The following FDX2 variants were observed in gnomAD, a reference collection of about 807,000 sequenced individuals.
FDX2 encodes the protein ferredoxin 2.
Under a neutral mutation model 18.5 loss-of-function variants are expected in FDX2, and 13 were observed. The observed-to-expected ratio is 0.70, with a 90% CI of 0.46 to 1.12. FDX2 has a LOEUF of 1.12. Ranked by LOEUF, FDX2 falls within the 50% of genes most tolerant of loss-of-function variation. The pLI, the probability that FDX2 is intolerant of heterozygous loss-of-function variation, is 0.00. For missense variants in FDX2, 238 were observed against 250.4 expected, an observed-to-expected ratio of 0.95 and a Z score of 0.34; for synonymous variants, 132 against 106.2, an observed-to-expected ratio of 1.24 and a Z score of -1.49.
At chr19:10,314,953 T>G (rs2040362526) in intron 3 of FDX2, among the ~76,000 whole-genome samples, 1 of 152,018 alleles carries the variant, frequency 6.6e-6, no homozygotes, top group South Asian at 2.1e-4. Context: ...ATACAAAAAT[T>G]AGCTGGGCTT....
At chr19:10,315,317 GGGTTTTTTTT>G (rs2040368214) in intron 3 of FDX2, 59 bp downstream of exon 3, 3 of 212,880 alleles carry the variant, frequency 1.4e-5, no homozygotes, top group East Asian at 6.9e-5. Context: ...CCTAATTTGT[GGGTTTTTTTT>G]TTTTTTTTTT....
chr19:10,315,317 GGGTTTTTTTTT>G, intron 3 of FDX2, 58 bp downstream of exon 3: 1 of 212,902 alleles, frequency 4.7e-6, no homozygotes, highest in Non-Finnish European at 7.6e-6. Context: ...CCTAATTTGT[GGGTTTTTTTTT>G]TTTTTTTTTT....
chr19:10,315,324 T>TTTG (rs1276483791), intron 3 of FDX2, 62 bp downstream of exon 3: 5 of 979,162 alleles, frequency 5.1e-6, no homozygotes, highest in Non-Finnish European at 1.4e-6. Flanking sequence ...TGTGGGTTTT[T>TTTG]TTTTTTTTTT....
intron 3 of FDX2, among the ~76,000 whole-genome samples, chr19:10,314,513 A>G (rs147794800): frequency 1.4e-4 from 22 of 151,954 alleles, no homozygotes; most frequent in Non-Finnish European, 2.4e-4. Flanking sequence ...GGCTGCAGTG[A>G]GGTATGATTG....
chr19:10,311,901 G>T (rs1273822716), intron 3 of FDX2, among the ~76,000 whole-genome samples: 1 of 119,688 alleles, frequency 8.4e-6, no homozygotes, highest in African/African-American at 3.3e-5. Flanking sequence ...GTGGAGTTTC[G>T]CTCTCTTTGC....
At chr19:10,315,801 C>A (rs764815443) in intron 1 of FDX2, 42 bp from the exon 2 acceptor site, 1 of 1,600,772 alleles carries the variant, frequency 6.2e-7, no homozygotes, top group East Asian at 2.2e-5. Context: ...CGAGCCCCGC[C>A]CCGCCGGCAT....
intron 3 of FDX2, among the ~76,000 whole-genome samples, chr19:10,313,231 C>T (rs2040341556): frequency 6.6e-6 from 1 of 152,120 alleles, no homozygotes; most frequent in South Asian, 2.1e-4. Context: ...TTAGGTAGGC[C>T]TTTCATAACC....
rs1180989479 is a variant in FDX2, at chr19:10,310,733, C to T, written c.405-91G>A. ...TGGGGGAGGGAGGAAGCTGACTGAG[C>T]GCAGGGGGTAGTGGTGGGGGAGGCA... is the stretch of plus-strand genomic sequence containing the variant. On this transcript the variant is annotated intron_variant, in intron 4 of 4. Transcript: ENST00000393708. 3.8e-6 allele frequency: 5 copies of T among 1,301,400 alleles called. No homozygotes were observed. In the African/African-American group the frequency reaches 5.3e-5, roughly 14 times the overall value. The allele number at this position is 1,301,400 out of a possible 1,614,324, so 80.6% of individuals were successfully genotyped here.
chr19:10,315,033 G>C (rs2040363389), intron 3 of FDX2, among the ~76,000 whole-genome samples: 1 of 152,120 alleles, frequency 6.6e-6, no homozygotes, highest in African/African-American at 2.4e-5. Context: ...CCCGGGAGGT[G>C]GAGGTTGCAG....
rs150307116 is a variant in FDX2 at position 10,311,209 on chromosome 19, G to C, written c.317-269C>G. On this transcript the variant is annotated intron_variant, in intron 3 of 4. Transcript: ENST00000393708. ...GCAGGCTGAGATGCAGAACCATTAA[G>C]GAGCAGGGACTTGGCTGCCAGGTAG... Among the ~76,000 whole-genome samples, 523 of 152,220 alleles carry C rather than the reference G, an allele frequency of 3.4e-3. 4 individuals carry two copies. Among genetic ancestry groups the C allele is most frequent in the African/African-American group, 0.012 (500 of 41,538 alleles).
chr19:10,312,918 A>G (rs1401551450), intron 3 of FDX2, among the ~76,000 whole-genome samples: 1 of 152,128 alleles, frequency 6.6e-6, no homozygotes, highest in Admixed American at 6.5e-5. Flanking sequence ...AGGCAGATCA[A>G]CTGTGGTCAG....
intron 3 of FDX2, 59 bp downstream of exon 3, chr19:10,315,318 GGTTTTTTTT>G: frequency 4.7e-6 from 2 of 428,302 alleles, no homozygotes; most frequent in Middle Eastern, 5.8e-4. Context: ...CTAATTTGTG[GGTTTTTTTT>G]TTTTTTTTTT....
rs1230361334 is a variant in FDX2 at position 10,315,710 on chromosome 19, C to A, written c.204G>T (p.Gly68=). 2.6e-6 allele frequency: 4 copies of A among 1,551,014 alleles called. No individual in the cohort carries two copies. The highest frequency in any genetic ancestry group is 2.6e-6 in the Non-Finnish European group (3 of 1,148,178). Reference sequence around the variant, plus strand: ...ACTTGGCCCCCTGCACTCACACGTCCCCGGGCCGCTCCGGGCCGCCCGCGT... The same window carrying A: ...ACTTGGCCCCCTGCACTCACACGTCACCGGGCCGCTCCGGGCCGCCCGCGT... Residue 68 remains glycine (G), a synonymous_variant, in exon 2 of 5, where the codon GGG becomes GGT. Transcript: ENST00000393708.
rs1187034042 is a variant in FDX2, at chr19:10,315,844, C to A, written c.154+8G>T. On this transcript the variant is annotated splice_region_variant and intron_variant, in intron 1 of 4. Transcript: ENST00000393708. ...ATTAACGCTGCCCGCCCCGGGCGCC[C>A]CAGGTACCTGTCGCTTGAAACTTTC... 4 of 1,597,158 alleles carry A rather than the reference C, an allele frequency of 2.5e-6. No homozygotes were observed. The South Asian group carries it at 4.5e-5, about 18-fold the overall frequency.
rs1312873575 is a variant in FDX2 at position 10,315,708 on chromosome 19, TC to T, written c.205del (p.Asp69ThrfsTer3). The T allele has an allele frequency of 6.8e-5, 105 of 1,549,622 alleles. No homozygotes were observed. Among genetic ancestry groups the T allele is most frequent in the Non-Finnish European group, 8.4e-5 (96 of 1,147,616 alleles). Reference sequence around the variant, plus strand: ...GGACTTGGCCCCCTGCACTCACACGTCCCCGGGCCGCTCCGGGCCGCCCGCG... The same window carrying T: ...GGACTTGGCCCCCTGCACTCACACGTCCCGGGCCGCTCCGGGCCGCCCGCG... On this transcript the variant is annotated frameshift_variant, in exon 2 of 5. Transcript: ENST00000393708. LOFTEE classifies it high-confidence loss of function.
intron 3 of FDX2, 123 bp downstream of exon 3, chr19:10,315,263 G>C (rs1476127340): frequency 1.3e-6 from 1 of 753,052 alleles, no homozygotes; most frequent in Non-Finnish European, 2.1e-6. Flanking sequence ...GAGGGGTTTG[G>C]ATTTTAGTCC....
At chr19:10,315,339 GGA>G in intron 3 of FDX2, 45 bp downstream of exon 3, 1 of 320,646 alleles carries the variant, frequency 3.1e-6, no homozygotes, top group Non-Finnish European at 4.8e-6. Context: ...TTTTTTTTTT[GGA>G]CAAATGTATA....
chr19:10,311,759 C>T (rs2040327215), intron 3 of FDX2, among the ~76,000 whole-genome samples: 1 of 148,342 alleles, frequency 6.7e-6, no homozygotes, highest in African/African-American at 2.5e-5. Context: ...CCTGGAGTGC[C>T]ATGGCTCAGT....
At chr19:10,314,259 C>T (rs2040354459) in intron 3 of FDX2, among the ~76,000 whole-genome samples, 1 of 152,244 alleles carries the variant, frequency 6.6e-6, no homozygotes. Flanking sequence ...GTTGGGATTA[C>T]AGGCATGAGC....
Sources: allele counts gnomAD v4.1 joint callset (sites outside exome capture counted in the v4.1 genomes callset), GRCh38; gene constraint gnomAD v4.1.1; transcripts MANE v1.5; gene names NCBI Gene and HGNC (gene_info 2026-07-23, HGNC 2026-07-21).